The following PAPPA2 variants were observed in gnomAD, a reference collection of about 807,000 sequenced individuals.
PAPPA2 encodes the protein pappalysin-2.
Under a neutral mutation model 176.4 loss-of-function variants are expected in PAPPA2, and 86 were observed. The observed-to-expected ratio is 0.49, with a 90% CI of 0.41 to 0.58. The LOEUF (loss-of-function observed/expected upper bound fraction) is 0.58. Among genes scored for constraint, PAPPA2 ranks in the 20% least tolerant of loss-of-function variants. PAPPA2 has a pLI of 0.00. For synonymous variants in PAPPA2, 809 were observed against 852.2 expected (o/e 0.95, Z 0.88); for missense variants, 2,073 against 2,256.9 (o/e 0.92, Z 1.65).
chr1:176,674,562 C>T (rs1044306900), intron 4 of PAPPA2, among the ~76,000 whole-genome samples: 11 of 152,066 alleles, frequency 7.2e-5, no homozygotes, highest in Non-Finnish European at 1.2e-4. Context: ...TTCTCCAGCT[C>T]CATCTAGGTT....
chr1:176,650,048 A>G (rs1657626770), intron 3 of PAPPA2, among the ~76,000 whole-genome samples: 1 of 151,582 alleles, frequency 6.6e-6, no homozygotes, highest in South Asian at 2.1e-4. Flanking sequence ...ACATCTATTA[A>G]TGTATACTTT....
chr1:176,729,674 A>G (rs529796582), intron 12 of PAPPA2, among the ~76,000 whole-genome samples: 49 of 152,196 alleles, frequency 3.2e-4, no homozygotes, highest in African/African-American at 1.1e-3. Context: ...TTATTCATGA[A>G]CACTTACTCG....
intron 12 of PAPPA2, among the ~76,000 whole-genome samples, chr1:176,729,087 G>T (rs1165428852): frequency 6.6e-6 from 1 of 151,902 alleles, no homozygotes; most frequent in African/African-American, 2.4e-5. Context: ...AGATTGCAAA[G>T]ATACCTTTTC....
At chr1:176,508,575 A>G (rs533473853) in intron 1 of PAPPA2, among the ~76,000 whole-genome samples, 1 of 150,838 alleles carries the variant, frequency 6.6e-6, no homozygotes, top group East Asian at 1.9e-4. Context: ...AAGTATATAT[A>G]GGAAAAAAAG....
At position 176,556,693 on chromosome 1, in the gene PAPPA2, A is replaced by G. The variant is rs751939325; in HGVS notation, c.371A>G (p.Glu124Gly). ...NPAGLRGAVE[E>G]PAAPWVGDSP... The stretch of plus-strand genomic sequence containing the variant: ...GCAGGACTGAGGGGTGCAGTTGAAG[A>G]GCCGGCTGCCCCATGGGTAGGGGAT... Residue 124 changes from glutamate (E) to glycine (G), a missense_variant, in exon 2 of 23, where the codon GAG (glutamate) becomes GGG (glycine). Coordinates refer to ENST00000367662, the MANE Select transcript of PAPPA2 (RefSeq NM_020318.3). 6.2e-7 allele frequency: 1 copy of G among 1,614,118 alleles called. No homozygotes were observed. The highest frequency in any genetic ancestry group is 8.5e-7 in the Non-Finnish European group (1 of 1,179,964).
At chr1:176,815,558 G>A (rs1452039318) in intron 21 of PAPPA2, among the ~76,000 whole-genome samples, 1 of 152,098 alleles carries the variant, frequency 6.6e-6, no homozygotes, top group Non-Finnish European at 1.5e-5. Context: ...TAAACCAAAA[G>A]TTATCTGAGA....
chr1:176,800,093 C>G lies in PAPPA2; in HGVS notation c.5163C>G (p.His1721Gln). 6.2e-7 allele frequency: 1 copy of G among 1,614,060 alleles called. No homozygotes were observed. The highest frequency in any genetic ancestry group is 8.5e-7 in the Non-Finnish European group (1 of 1,179,956). Reference protein sequence around the residue: ...SIVCTGRRQWHPDPVLVHCIQ... With the variant: ...SIVCTGRRQWQPDPVLVHCIQ... ...TGTGCACTGGCCGGCGTCAATGGCACCCAGACCCCGTCTTAGTCCACTGCA... is the reference window on the plus strand; with the variant it reads ...TGTGCACTGGCCGGCGTCAATGGCAGCCAGACCCCGTCTTAGTCCACTGCA... Residue 1721 changes from histidine (H) to glutamine (Q), a missense_variant, in exon 21 of 23, where the codon CAC (histidine) becomes CAG (glutamine). Around this residue, in one of 4 missense-constraint regions of PAPPA2, gnomAD observed 846 missense variants for 857.9 expected, o/e 0.99. Transcript: ENST00000367662.
intron 2 of PAPPA2, among the ~76,000 whole-genome samples, chr1:176,578,847 A>G (rs1206352791): frequency 3.9e-5 from 6 of 152,184 alleles, no homozygotes; most frequent in African/African-American, 1.4e-4. Flanking sequence ...ATGTTCCTGA[A>G]ATACCTGGCT....
At chr1:176,734,846 C>T (rs758080152) in intron 12 of PAPPA2, among the ~76,000 whole-genome samples, 3 of 152,108 alleles carry the variant, frequency 2.0e-5, no homozygotes, top group Admixed American at 6.6e-5. Context: ...AATTGGACCA[C>T]GAATGGCTTT....
intron 1 of PAPPA2, among the ~76,000 whole-genome samples, chr1:176,513,665 C>T (rs1648745580): frequency 6.6e-6 from 1 of 152,132 alleles, no homozygotes; most frequent in African/African-American, 2.4e-5. Flanking sequence ...GTCTCAATTT[C>T]CTTATTTGTA....
At chr1:176,694,621 TA>T (rs1442852738) in intron 6 of PAPPA2, among the ~76,000 whole-genome samples, 1 of 152,226 alleles carries the variant, frequency 6.6e-6, no homozygotes, top group Admixed American at 6.5e-5. Context: ...AGTGGGCTTC[TA>T]AAAAGATTCT....
At chr1:176,483,527 G>A (rs1652507563) in intron 1 of PAPPA2, among the ~76,000 whole-genome samples, 2 of 143,242 alleles carry the variant, frequency 1.4e-5, no homozygotes, top group Admixed American at 1.5e-4. Context: ...CTGGAGTGCA[G>A]TGGTGTGATT....
intron 3 of PAPPA2, among the ~76,000 whole-genome samples, chr1:176,627,018 G>A (rs1012312142): frequency 6.6e-6 from 1 of 150,800 alleles, no homozygotes; most frequent in South Asian, 2.1e-4. Context: ...CGACATGCCC[G>A]GCTTGTTTTG....
rs115375778 is a variant in PAPPA2, at chr1:176,750,207, A to G, written c.4151+10011A>G. ...TAAGCCTGTACTCTTGAACATGTAG[A>G]TTAAGAGTACCAACCCTGTACAGTA... On this transcript the variant is annotated intron_variant, in intron 14 of 22. Coordinates refer to ENST00000367662, the MANE Select transcript of PAPPA2 (RefSeq NM_020318.3). Among the ~76,000 whole-genome samples the G allele has an allele frequency of 9.6e-3, 1,468 of 152,184 alleles. 27 individuals are homozygous for G. Among genetic ancestry groups the G allele is most frequent in the African/African-American group, 0.033 (1,356 of 41,520 alleles).
At chr1:176,780,708 A>G (rs990053306) in intron 17 of PAPPA2, among the ~76,000 whole-genome samples, 15 of 151,976 alleles carry the variant, frequency 9.9e-5, no homozygotes, top group African/African-American at 3.6e-4. Context: ...TTACAACCGC[A>G]AGACCTAATA....
intron 21 of PAPPA2, among the ~76,000 whole-genome samples, chr1:176,808,573 A>T (rs1037255906): frequency 4.6e-5 from 7 of 152,136 alleles, no homozygotes; most frequent in African/African-American, 1.2e-4. Context: ...TATTTTTTTT[A>T]AATTGTGACT....
intron 14 of PAPPA2, among the ~76,000 whole-genome samples, chr1:176,750,220 AC>A (rs537613697): frequency 2.8e-3 from 431 of 152,268 alleles, no homozygotes; most frequent in African/African-American, 9.8e-3. Context: ...AAGAGTACCA[AC>A]CCTGTACAGT....
intron 2 of PAPPA2, among the ~76,000 whole-genome samples, chr1:176,589,807 G>A (rs973080729): frequency 6.6e-6 from 1 of 152,204 alleles, no homozygotes; most frequent in Non-Finnish European, 1.5e-5. Flanking sequence ...GTTTCACCAA[G>A]TATATTGTAT....
chr1:176,781,365 C>CTTTT (rs35029858), intron 17 of PAPPA2, among the ~76,000 whole-genome samples: 1,149 of 46,364 alleles, frequency 0.025, 35 homozygotes, highest in East Asian at 0.052. Context: ...TTGTAAGGGG[C>CTTTT]TTTTTTTTTT....
Sources: gnomAD v4.1 joint callset for allele counts (sites outside exome capture counted in the v4.1 genomes callset) on GRCh38, gnomAD v4.1.1 for gene constraint, gnomAD v4.1.1 regional missense constraint, MANE v1.5 for transcripts, NCBI Gene and HGNC (gene_info 2026-07-23, HGNC 2026-07-21) for gene names.